MTHFD1: variants seen among roughly 807,000 people sequenced by gnomAD.
MTHFD1 encodes C-1-tetrahydrofolate synthase, cytoplasmic.
Under a neutral mutation model 110.3 loss-of-function variants are expected in MTHFD1, and 44 were observed. The observed-to-expected ratio is 0.40, with a 90% CI of 0.31 to 0.51. The LOEUF (loss-of-function observed/expected upper bound fraction) is 0.51, where lower values mean the gene tolerates loss of function less well. Among genes scored for constraint, MTHFD1 ranks in the 20% least tolerant of loss-of-function variants. The pLI is 0.60. For missense variants in MTHFD1, 909 were observed against 1,173.1 expected, an observed-to-expected ratio of 0.77 and a Z score of 3.29; for synonymous variants, 402 against 428.8, an observed-to-expected ratio of 0.94 and a Z score of 0.77.
intron 1 of MTHFD1, among the ~76,000 whole-genome samples, chr14:64,398,541 T>C (rs903098776): frequency 6.6e-6 from 1 of 152,214 alleles, no homozygotes; most frequent in East Asian, 1.9e-4. Context: ...AGCCAGACCC[T>C]GTCTCAAAAA....
In MTHFD1 at chr14:64,417,177, A is replaced by G. The variant is rs2078031498; in HGVS notation, c.479-711A>G. ...GCCTGGTTCCATCCTCATGCCTAAC[A>G]GTCATGGGATTGGATCTTATCAGCT... On this transcript the variant is annotated intron_variant, in intron 6 of 27. Transcript: ENST00000652337. The surrounding 1 kb of genome is among the most constrained non-coding windows in gnomAD (Gnocchi z 4.4). Among the ~76,000 whole-genome samples the G allele has an allele frequency of 1.3e-5, 2 of 152,138 alleles. No individual in the cohort carries two copies. The highest frequency in any genetic ancestry group is 2.9e-5 in the Non-Finnish European group (2 of 68,016).
intron 11 of MTHFD1, 120 bp downstream of exon 11, chr14:64,426,312 C>T: frequency 2.6e-6 from 3 of 1,145,690 alleles, no homozygotes; most frequent in Non-Finnish European, 3.9e-6. Context: ...GCATTTTCAC[C>T]CGTATTTGAT....
intron 24 of MTHFD1, among the ~76,000 whole-genome samples, chr14:64,453,178 A>C (rs947889636): frequency 2.0e-5 from 3 of 152,232 alleles, no homozygotes; most frequent in South Asian, 2.1e-4. Flanking sequence ...ATATCTATAT[A>C]TATATGTATG....
intron 15 of MTHFD1, among the ~76,000 whole-genome samples, chr14:64,434,992 C>T (rs1198250700): frequency 1.4e-5 from 2 of 145,386 alleles, no homozygotes; most frequent in African/African-American, 5.1e-5. Context: ...GAGTCTCACC[C>T]AGGCTGGAGT....
At chr14:64,444,353 C>A (rs2078273128) in intron 21 of MTHFD1, among the ~76,000 whole-genome samples, 1 of 151,996 alleles carries the variant, frequency 6.6e-6, no homozygotes, top group Non-Finnish European at 1.5e-5. Flanking sequence ...CTTCCTCTTT[C>A]CCCACACTCC....
intron 1 of MTHFD1, chr14:64,389,021 TAG>T (rs1406233932): frequency 1.3e-5 from 2 of 157,056 alleles, no homozygotes; most frequent in Non-Finnish European, 2.8e-5. Flanking sequence ...GCCCTGGTCC[TAG>T]AGTTACTTGA....
chr14:64,439,894 C>T (rs1189078691), intron 17 of MTHFD1, among the ~76,000 whole-genome samples: 4 of 56,584 alleles, frequency 7.1e-5, no homozygotes, highest in Non-Finnish European at 1.4e-4. Flanking sequence ...ACTCTGTCTC[C>T]AAAAAAAAAA....
intron 18 of MTHFD1, 35 bp downstream of exon 18, chr14:64,440,301 T>G (rs762396505): frequency 6.2e-7 from 1 of 1,613,952 alleles, no homozygotes; most frequent in Non-Finnish European, 8.5e-7. Context: ...TGGCGACATA[T>G]CTGTGTCTGT....
intron 8 of MTHFD1, chr14:64,422,803 G>C (rs1158116199): frequency 2.0e-5 from 3 of 152,138 alleles, no homozygotes; most frequent in Non-Finnish European, 2.9e-5. Context: ...GCTCATTACT[G>C]AGGTCATATG....
intron 17 of MTHFD1, among the ~76,000 whole-genome samples, chr14:64,439,638 C>A (rs1454245117): frequency 6.6e-6 from 1 of 151,884 alleles, no homozygotes; most frequent in African/African-American, 2.4e-5. Flanking sequence ...TGGTGGCTCA[C>A]GCCTGTAATC....
chr14:64,436,999 T>G (rs942384006), intron 16 of MTHFD1, among the ~76,000 whole-genome samples: 6 of 148,934 alleles, frequency 4.0e-5, no homozygotes, highest in African/African-American at 7.8e-5. Context: ...GAGTGGGGGG[T>G]GTGTGTGTCT....
intron 15 of MTHFD1, among the ~76,000 whole-genome samples, chr14:64,434,084 A>C (rs2078184623): frequency 6.6e-6 from 1 of 152,138 alleles, no homozygotes; most frequent in Non-Finnish European, 1.5e-5. Context: ...TACTATGATT[A>C]TTTAGGTCTA....
Position 64,430,215 on chromosome 14 carries a change from C to T in MTHFD1, c.1296C>T (p.Val432=), listed in dbSNP as rs1866155207. The T allele has an allele frequency of 1.2e-6, 2 of 1,613,646 alleles. No homozygotes were observed. The highest frequency in any genetic ancestry group is 1.7e-6 in the Non-Finnish European group (2 of 1,179,986). ...GGAAGGGYSQ[V]IPMEEFNLHL... ...CTGCAGGAGGCGGCTACTCCCAGGT[C>T]ATTCCTATGGAAGAGGTAAAGTATT... Residue 432 remains valine, a synonymous_variant, in exon 13 of 28, where the codon GTC becomes GTT. Coordinates refer to ENST00000652337, the MANE Select transcript of MTHFD1 (RefSeq NM_005956.4).
intron 1 of MTHFD1, among the ~76,000 whole-genome samples, chr14:64,398,371 T>C (rs2077873346): frequency 6.6e-6 from 1 of 151,854 alleles, no homozygotes; most frequent in Admixed American, 6.6e-5. Context: ...CATGGCAAAA[T>C]CCCATCTCTA....
chr14:64,412,586 G>T (rs1399930930), intron 4 of MTHFD1, 61 bp downstream of exon 4: 2 of 1,308,130 alleles, frequency 1.5e-6, no homozygotes, highest in Non-Finnish European at 2.2e-6. Flanking sequence ...TCTGGTTTTG[G>T]TTTACGGGGG....
At chr14:64,420,192 C>T (rs2078057431) in intron 8 of MTHFD1, among the ~76,000 whole-genome samples, 5 of 152,034 alleles carry the variant, frequency 3.3e-5, no homozygotes, top group Admixed American at 2.6e-4. Context: ...AGAGGGAGGG[C>T]AGGAGGGATA....
chr14:64,407,544 C>CTT (rs1252450612), intron 2 of MTHFD1, among the ~76,000 whole-genome samples: 21 of 65,038 alleles, frequency 3.2e-4, no homozygotes, highest in African/African-American at 7.9e-4. Flanking sequence ...CTCACTCTCT[C>CTT]TCTTTTTTTT....
rs765222086 is a variant in MTHFD1 at position 64,459,941 on chromosome 14, C to A, written c.*187C>A. 7.8e-6 allele frequency: 12 copies of A among 1,530,638 alleles called. No homozygotes were observed. The highest frequency in any genetic ancestry group is 8.8e-6 in the Non-Finnish European group (10 of 1,142,402). The allele number at this position is 1,530,638 out of a possible 1,614,324, so 94.8% of individuals were successfully genotyped here. The stretch of plus-strand genomic sequence containing the variant: ...TTAATTCTCATCATGTATAAATTAA[C>A]ATAAATCATGCATGTCTGTTTACTT... On this transcript the variant is annotated 3_prime_UTR_variant, in exon 28 of 28. Coordinates refer to ENST00000652337, the MANE Select transcript of MTHFD1 (RefSeq NM_005956.4).
At chr14:64,454,346 C>T (rs1454864625) in intron 25 of MTHFD1, among the ~76,000 whole-genome samples, 1 of 152,180 alleles carries the variant, frequency 6.6e-6, no homozygotes, top group Non-Finnish European at 1.5e-5. Context: ...CTCCTGGGCT[C>T]AAGCAGTCCA....
Sources: gnomAD v4.1 joint callset for allele counts (sites outside exome capture counted in the v4.1 genomes callset) on GRCh38, gnomAD v4.1.1 for gene constraint, Gnocchi (gnomAD v3.1) non-coding constraint, MANE v1.5 for transcripts, NCBI Gene and HGNC (gene_info 2026-07-23, HGNC 2026-07-21) for gene names.